The following ISM2 variants were observed in gnomAD, a reference collection of about 807,000 sequenced individuals.
The protein encoded by ISM2 is isthmin-2.
Under a neutral mutation model 58.0 loss-of-function variants are expected in ISM2, and 50 were observed. The observed-to-expected ratio is 0.86, with a 90% CI of 0.69 to 1.09. ISM2 has a LOEUF of 1.09. ISM2 is among the 50% of genes least tolerant of loss of function. The pLI, the probability that ISM2 is intolerant of heterozygous loss-of-function variation, is 0.00. For missense variants in ISM2, 723 were observed against 745.0 expected (o/e 0.97, Z 0.34); for synonymous variants, 303 against 312.4 (o/e 0.97, Z 0.32).
In ISM2 at chr14:77,482,626, C is replaced by CT; in HGVS notation, c.668_669insA (p.Ile224AspfsTer6). The CT allele has an allele frequency of 6.3e-7, 1 of 1,585,124 alleles. No homozygotes were observed. Among genetic ancestry groups the CT allele is most frequent in the Non-Finnish European group, 8.6e-7 (1 of 1,166,360 alleles). ...TGCTGGGCTCAGCCAACAGGTCTATCGACACCTCGGCCTGGGGGTCCTCCA... is the reference window on the plus strand; with the variant it reads ...TGCTGGGCTCAGCCAACAGGTCTATCTGACACCTCGGCCTGGGGGTCCTCCA... On this transcript the variant is annotated frameshift_variant, in exon 4 of 7. Transcript: ENST00000342219. LOFTEE classifies it high-confidence loss of function.
At chr14:77,489,491 C>T (rs1231003545) in intron 1 of ISM2, among the ~76,000 whole-genome samples, 1 of 152,158 alleles carries the variant, frequency 6.6e-6, no homozygotes, top group African/African-American at 2.4e-5. Context: ...TAGCCACAGG[C>T]AGAGGAATAG....
At chr14:77,489,796 G>T (rs537797709) in intron 1 of ISM2, among the ~76,000 whole-genome samples, 6 of 152,314 alleles carry the variant, frequency 3.9e-5, no homozygotes, top group Non-Finnish European at 8.8e-5. Flanking sequence ...TCTTTGCACT[G>T]AGCCCCATAT....
intron 4 of ISM2, among the ~76,000 whole-genome samples, chr14:77,481,302 T>C (rs901695341): frequency 9.2e-5 from 14 of 151,466 alleles, no homozygotes; most frequent in Non-Finnish European, 2.1e-4. Context: ...ATTGTGCCAC[T>C]GCACTCCAGC....
Position 77,484,397 on chromosome 14 carries a change from G to C in ISM2, c.553C>G (p.Pro185Ala). 6.2e-7 allele frequency: 1 copy of C among 1,613,080 alleles called. No individual in the cohort carries two copies. The highest frequency in any genetic ancestry group is 1.1e-5 in the South Asian group (1 of 91,006). Residue 185 changes from proline to alanine, a missense_variant, in exon 3 of 7, where the codon CCC becomes GCC. Coordinates refer to ENST00000342219, the MANE Select transcript of ISM2 (RefSeq NM_199296.3). Reference protein sequence around the residue: ...ATPPRTQEVTPLLLELQKLPE... With the variant: ...ATPPRTQEVTALLLELQKLPE... Reference sequence around the variant, plus strand: ...AGCTTCTGCAGCTCCAGCAGCAAGGGAGTAACCTCCTGGGTCCTGGGAGGC... The same window carrying C: ...AGCTTCTGCAGCTCCAGCAGCAAGGCAGTAACCTCCTGGGTCCTGGGAGGC...
At chr14:77,487,798 G>A (rs1169961087) in intron 1 of ISM2, among the ~76,000 whole-genome samples, 1 of 152,118 alleles carries the variant, frequency 6.6e-6, no homozygotes, top group Non-Finnish European at 1.5e-5. Flanking sequence ...AAGGGGAGGC[G>A]GCAGTCAAGG....
chr14:77,492,937 G>A (rs1212928953), intron 1 of ISM2, among the ~76,000 whole-genome samples: 2 of 152,084 alleles, frequency 1.3e-5, no homozygotes, highest in Non-Finnish European at 2.9e-5. Context: ...AGAGGTTGCA[G>A]TGAGCCAAGA....
At chr14:77,496,175 A>G (rs2079238550) in intron 1 of ISM2, among the ~76,000 whole-genome samples, 1 of 141,916 alleles carries the variant, frequency 7.0e-6, no homozygotes, top group South Asian at 2.3e-4. Flanking sequence ...AGATTGAGCA[A>G]GACTCCATGC....
At position 77,478,173 on chromosome 14, in the gene ISM2, AT is replaced by A. The variant is rs371567830; in HGVS notation, c.1198+68del. 74 of 1,313,320 alleles carry A rather than the reference AT, an allele frequency of 5.6e-5. No individual in the cohort carries two copies. The Middle Eastern group carries it at 2.2e-3, about 39-fold the overall frequency. The allele number at this position is 1,313,320 out of a possible 1,614,324, so 81.4% of individuals were successfully genotyped here. A position where few individuals can be genotyped will look rare whatever the true frequency, so the allele number is the denominator to read the frequency against. The stretch of plus-strand genomic sequence containing the variant: ...AAAGAAGCCAGGTTCCTGCCATGGA[AT>A]AATACCCCACCCTCCCCTGAGAGCT... On this transcript the variant is annotated intron_variant, in intron 6 of 6. Coordinates refer to ENST00000342219, the MANE Select transcript of ISM2 (RefSeq NM_199296.3).
intron 4 of ISM2, among the ~76,000 whole-genome samples, chr14:77,479,314 G>A (rs1235456086): frequency 6.6e-6 from 1 of 151,938 alleles, no homozygotes; most frequent in Non-Finnish European, 1.5e-5. Context: ...CGCCTCCCGG[G>A]TTCAAGTGAT....
Position 77,475,491 on chromosome 14 carries a change from C to G in ISM2, c.*104G>C. 1 of 1,303,780 alleles carries G rather than the reference C, an allele frequency of 7.7e-7. No individual in the cohort carries two copies. Among genetic ancestry groups the G allele is most frequent in the Non-Finnish European group, 1.0e-6 (1 of 953,028 alleles). 80.8% of individuals were successfully genotyped at this position (1,303,780 alleles called of 1,614,324 possible). ...TCGGACCAACCTCACTGGGGGAGCC[C>G]TTTCCTCACCCTGTCTGGGCAGGGG... On this transcript the variant is annotated 3_prime_UTR_variant, in exon 7 of 7. Transcript: ENST00000342219. This position sits in a 1 kb window ranked among gnomAD's most constrained non-coding sequence, Gnocchi z 4.1.
chr14:77,491,465 C>T (rs143842625), intron 1 of ISM2, among the ~76,000 whole-genome samples: 8 of 152,080 alleles, frequency 5.3e-5, no homozygotes, highest in South Asian at 2.1e-4. Flanking sequence ...CTCGGCTCAC[C>T]GCAACCTCTG....
rs2079159575 is a variant in ISM2, at chr14:77,485,059, G to A, written c.142-140C>T. 4 of 869,656 alleles carry A rather than the reference G, an allele frequency of 4.6e-6. No individual in the cohort carries two copies. In the South Asian group the frequency reaches 7.1e-5, roughly 15 times the overall value. 53.9% of individuals were successfully genotyped at this position (869,656 alleles called of 1,614,324 possible). The stretch of plus-strand genomic sequence containing the variant: ...ACCCTGTGACTTACATCTCTCTGGA[G>A]TGTGTATCTGTAGTGTAAAATCTCC... On this transcript the variant is annotated intron_variant, in intron 1 of 6. Coordinates refer to ENST00000342219, the MANE Select transcript of ISM2 (RefSeq NM_199296.3).
chr14:77,483,970 C>T (rs1566755246), intron 3 of ISM2: 1 of 189,774 alleles, frequency 5.3e-6, no homozygotes, highest in Non-Finnish European at 1.1e-5. Context: ...ACCTGCAGGT[C>T]TTTTCCAGGA....
At chr14:77,495,976 G>A (rs2079237120) in intron 1 of ISM2, among the ~76,000 whole-genome samples, 1 of 152,134 alleles carries the variant, frequency 6.6e-6, no homozygotes, top group Admixed American at 6.6e-5. Flanking sequence ...ACTTTGGGAG[G>A]CCAAGGCAGA....
rs767057953 is a variant in ISM2 at position 77,475,825 on chromosome 14, C to T, written c.1486G>A (p.Glu496Lys). Reference protein sequence around the residue: ...TLAAQHCCYDEDSRLLTRGKG... With the variant: ...TLAAQHCCYDKDSRLLTRGKG... ...CCACGGGTCAGCAGCCGGCTGTCCT[C>T]GTCATAGCAGCAGTGCTGGGCGGCC... The change falls in exon 7 of 7, where the codon GAG (glutamate) becomes AAG (lysine). Residue 496 changes from glutamate to lysine, a missense_variant. Transcript: ENST00000342219. The surrounding 1 kb of genome is among the most constrained non-coding windows in gnomAD (Gnocchi z 4.1). The T allele has an allele frequency of 4.8e-5, 77 of 1,612,264 alleles. No homozygotes were observed. Among genetic ancestry groups the T allele is most frequent in the Non-Finnish European group, 6.1e-5 (72 of 1,179,730 alleles).
intron 1 of ISM2, among the ~76,000 whole-genome samples, chr14:77,486,162 G>C (rs982010371): frequency 2.0e-5 from 3 of 152,210 alleles, no homozygotes; most frequent in African/African-American, 7.2e-5. Context: ...ATTTAAACCA[G>C]GCAGTCTGGG....
chr14:77,487,938 G>C (rs542719525), intron 1 of ISM2, among the ~76,000 whole-genome samples: 76 of 152,282 alleles, frequency 5.0e-4, no homozygotes, highest in African/African-American at 1.8e-3. Context: ...AGGCTCTGGG[G>C]CTAGAAGGGA....
intron 4 of ISM2, 122 bp from the exon 5 acceptor site, chr14:77,478,837 G>T: frequency 3.0e-6 from 3 of 985,068 alleles, no homozygotes; most frequent in Admixed American, 2.3e-5. Context: ...CCAGCCTCAT[G>T]AATGAAGCTG....
intron 1 of ISM2, among the ~76,000 whole-genome samples, chr14:77,488,003 A>C (rs1566757143): frequency 6.6e-6 from 1 of 152,170 alleles, no homozygotes; most frequent in East Asian, 1.9e-4. Flanking sequence ...AGAAGGGCTG[A>C]GGGGATCAGG....
Sources: allele counts gnomAD v4.1 joint callset (sites outside exome capture counted in the v4.1 genomes callset), GRCh38; gene constraint gnomAD v4.1.1; non-coding constraint Gnocchi (gnomAD v3.1); transcripts MANE v1.5; gene names NCBI Gene and HGNC (gene_info 2026-07-23, HGNC 2026-07-21).